The following MACF1 variants were observed in gnomAD, a reference collection of about 807,000 sequenced individuals.
MACF1 encodes microtubule actin crosslinking factor 1.
A neutral mutation model predicts 854.8 loss-of-function variants in MACF1; 193 were observed. The observed-to-expected ratio is 0.23, with a 90% CI of 0.20 to 0.25. MACF1 has a LOEUF of 0.25. Among genes scored for constraint, MACF1 ranks in the 10% least tolerant of loss-of-function variants. The pLI is 1.00. For missense variants in MACF1, 7,722 were observed against 8,929.1 expected, an observed-to-expected ratio of 0.86 and a Z score of 5.45; for synonymous variants, 3,185 against 3,226.7, an observed-to-expected ratio of 0.99 and a Z score of 0.44.
At chr1:39,095,770 G>T (rs893086520) in intron 2 of MACF1, among the ~76,000 whole-genome samples, 1 of 151,500 alleles carries the variant, frequency 6.6e-6, no homozygotes, top group Admixed American at 6.6e-5. Context: ...AGCTACTTGG[G>T]GGCTGAGAAA....
chr1:39,300,063 T>G, intron 21 of MACF1, 147 bp from the exon 22 acceptor site: 4 of 766,668 alleles, frequency 5.2e-6, no homozygotes, highest in Non-Finnish European at 8.1e-6. Context: ...TATCATTGTC[T>G]AAGTCTTTAA....
rs542032745 is a variant in MACF1, at chr1:39,311,842, A to G, written c.3270+842A>G. ...GGTATGAGAGAGCTCTATGAAGGCT[A>G]TTAAATTTGATCTGGGAGCTTAAAG... On this transcript the variant is annotated intron_variant, in intron 26 of 100. Coordinates refer to ENST00000564288, the MANE Select transcript of MACF1 (RefSeq NM_001394062.1). Among the ~76,000 whole-genome samples, 3 of 152,300 alleles carry G rather than the reference A, an allele frequency of 2.0e-5. No individual in the cohort carries two copies. The East Asian group carries it at 5.8e-4, about 29-fold the overall frequency.
In MACF1 at chr1:39,411,655, G is replaced by T. The variant is rs1331799808; in HGVS notation, c.15817-10719G>T. On this transcript the variant is annotated intron_variant, in intron 58 of 100. Transcript: ENST00000564288. ...AGAACAGCTCTCTGACACAGACTCAGTGCAGATGTTTCTTGAACTTGAAAA... is the reference window on the plus strand; with the variant it reads ...AGAACAGCTCTCTGACACAGACTCATTGCAGATGTTTCTTGAACTTGAAAA... 4.3e-6 allele frequency: 7 copies of T among 1,613,838 alleles called. No homozygotes were observed. The Admixed American group carries it at 8.3e-5, about 19-fold the overall frequency.
intron 2 of MACF1, among the ~76,000 whole-genome samples, chr1:39,163,340 C>CAA (rs11371076): frequency 0.044 from 3,546 of 79,712 alleles, 233 homozygotes; most frequent in Middle Eastern, 0.077. Flanking sequence ...AAGACTGTCT[C>CAA]AAAAAAAAAA....
chr1:39,167,074 G>A (rs1456611988), intron 2 of MACF1, among the ~76,000 whole-genome samples: 1 of 151,986 alleles, frequency 6.6e-6, no homozygotes, highest in African/African-American at 2.4e-5. Context: ...TGATTCTCCT[G>A]CCTCAGCCTC....
chr1:39,415,009 G>A (rs118058542), intron 58 of MACF1, among the ~76,000 whole-genome samples: 199 of 152,302 alleles, frequency 1.3e-3, no homozygotes, highest in East Asian at 8.1e-3. Flanking sequence ...GGTACCAAGC[G>A]TATAAGATTA....
intron 2 of MACF1, among the ~76,000 whole-genome samples, chr1:39,160,868 A>G (rs1643784405): frequency 6.6e-6 from 1 of 152,050 alleles, no homozygotes; most frequent in African/African-American, 2.4e-5. Flanking sequence ...CTTTTCACTT[A>G]ATATCTTTGT....
At chr1:39,202,076 C>T (rs1644397347), upstream of MACF1, among the ~76,000 whole-genome samples, 1 of 142,748 alleles carries the variant, frequency 7.0e-6, no homozygotes, top group Non-Finnish European at 1.5e-5. Context: ...AAACCATTCT[C>T]CTGCCTCAGC....
At chr1:39,165,890 C>G (rs910724488) in intron 2 of MACF1, among the ~76,000 whole-genome samples, 2 of 152,172 alleles carry the variant, frequency 1.3e-5, no homozygotes, top group African/African-American at 4.8e-5. Flanking sequence ...CTGTTATCAA[C>G]TTAATTGCCT....
rs368303728 is a variant in MACF1 at position 39,484,640 on chromosome 1, C to G, written c.22321C>G (p.Pro7441Ala). 6.2e-7 allele frequency: 1 copy of G among 1,613,952 alleles called. No homozygotes were observed. Among genetic ancestry groups the G allele is most frequent in the Non-Finnish European group, 8.5e-7 (1 of 1,179,896 alleles). Residue 7441 changes from proline (P) to alanine (A), a missense_variant, in exon 100 of 101, where the codon CCA (proline) becomes GCA (alanine). Physicochemically the swap from Pro to Ala is conservative, Grantham distance 27. This residue lies in a region of MACF1 where 185 missense variants were observed against 225.7 expected (regional missense o/e 0.82). Transcript: ENST00000564288. ...AGGTAGCAAGTTGAAACGACCAACA[C>G]CAACTTTTCATTCTAGTCGGACATC... ...SSGSKLKRPT[P>A]TFHSSRTSLA...
In MACF1 at chr1:39,430,762, C is replaced by T. The variant is rs1041466529; in HGVS notation, c.17191C>T (p.Arg5731Cys). 5.6e-6 allele frequency: 9 copies of T among 1,612,158 alleles called. No individual in the cohort carries two copies. Among genetic ancestry groups the T allele is most frequent in the South Asian group, 2.2e-5 (2 of 91,004 alleles). The change falls in exon 66 of 101, where the codon CGT (arginine) becomes TGT (cysteine). Residue 5731 changes from arginine (R) to cysteine (C), a missense_variant. Around this residue, in one of 15 missense-constraint regions of MACF1, gnomAD observed 2,807 missense variants for 3,235.8 expected, o/e 0.87. Coordinates refer to ENST00000564288, the MANE Select transcript of MACF1 (RefSeq NM_001394062.1). ...GTTGGACACAGTGAATGAGGTGAGC[C>T]GTGCTCTCTTAGAGCTGGTGCCCTG... ...LVLDTVNEVS[R>C]ALLELVPWRA... is the part of the protein sequence containing the mutation.
In MACF1 at chr1:39,331,721, G is replaced by A; in HGVS notation, c.5133G>A (p.Leu1711=). The change falls in exon 37 of 101, where the codon CTG becomes CTA. Residue 1711 remains leucine, a synonymous_variant. Transcript: ENST00000564288. ...ACACAGCTGAGAAAATTGGTTTGCTGGATCTGATGCAGCGATGTATTGTCC... is the reference window on the plus strand; with the variant it reads ...ACACAGCTGAGAAAATTGGTTTGCTAGATCTGATGCAGCGATGTATTGTCC... ...DPNTAEKIGL[L]DLMQRCIVHQ... 6.2e-7 allele frequency: 1 copy of A among 1,614,168 alleles called. No individual in the cohort carries two copies. Among genetic ancestry groups the A allele is most frequent in the Non-Finnish European group, 8.5e-7 (1 of 1,180,014 alleles).
intron 51 of MACF1, among the ~76,000 whole-genome samples, chr1:39,371,343 G>A (rs774565690): frequency 3.4e-5 from 5 of 149,126 alleles, no homozygotes; most frequent in Non-Finnish European, 7.4e-5. Flanking sequence ...AAAAAAAAGA[G>A]TGATTAATTA....
At chr1:39,284,476 C>T in intron 11 of MACF1, 48 bp downstream of exon 11, 1 of 1,235,904 alleles carries the variant, frequency 8.1e-7, no homozygotes, top group Non-Finnish European at 1.1e-6. Flanking sequence ...CTGGTCTGTA[C>T]TGTTGTTGCT....
In MACF1 at chr1:39,299,339, A is replaced by G. The variant is rs547868096; in HGVS notation, c.2482-871A>G. ...CATTTCCTAACATTATTAACTCTTT[A>G]CTCTCATCGCATCTACATCCATCCT... On this transcript the variant is annotated intron_variant, in intron 21 of 100. Coordinates refer to ENST00000564288, the MANE Select transcript of MACF1 (RefSeq NM_001394062.1). The G allele has an allele frequency of 4.2e-5, 19 of 454,064 alleles. No homozygotes were observed. The East Asian group carries it at 9.8e-4, about 23-fold the overall frequency. 28.1% of individuals were successfully genotyped at this position (454,064 alleles called of 1,614,324 possible).
rs930176118 is a variant in MACF1, at chr1:39,430,038, A to G, written c.17100A>G (p.Glu5700=). The part of the protein sequence containing the change: ...ATSGGQSPTG[E]QIPQFQQRQK... ...GTGGAGGACAGTCTCCCACAGGGGA[A>G]CAGATACCCCAGTTTCAGCAGAGAC... is the stretch of plus-strand genomic sequence containing the variant. The change falls in exon 65 of 101, where the codon GAA becomes GAG. Residue 5700 remains glutamate (E), a synonymous_variant. Coordinates refer to ENST00000564288, the MANE Select transcript of MACF1 (RefSeq NM_001394062.1). 1 of 1,613,800 alleles carries G rather than the reference A, an allele frequency of 6.2e-7. No individual in the cohort carries two copies. Among genetic ancestry groups the G allele is most frequent in the Non-Finnish European group, 8.5e-7 (1 of 1,179,890 alleles).
chr1:39,250,278 T>A lies in MACF1; in HGVS notation c.261+175T>A, dbSNP rs1020901925. On this transcript the variant is annotated intron_variant, in intron 3 of 100. Coordinates refer to ENST00000564288, the MANE Select transcript of MACF1 (RefSeq NM_001394062.1). ...TAACTCAGACTTAGAATTTACAAATTATATAATTTAAATTGATGTATTATA... is the reference window on the plus strand; with the variant it reads ...TAACTCAGACTTAGAATTTACAAATAATATAATTTAAATTGATGTATTATA... The A allele has an allele frequency of 2.6e-5, 11 of 422,340 alleles. No individual in the cohort carries two copies. In the Admixed American group the frequency reaches 4.6e-4, roughly 17 times the overall value. The allele number at this position is 422,340 out of a possible 1,614,324, so 26.2% of individuals were successfully genotyped here. A position where few individuals can be genotyped will look rare whatever the true frequency, so the allele number is the denominator to read the frequency against.
chr1:39,164,642 A>G (rs532248943), intron 2 of MACF1, among the ~76,000 whole-genome samples: 1 of 152,302 alleles, frequency 6.6e-6, no homozygotes, highest in African/African-American at 2.4e-5. Flanking sequence ...GGACCCATTA[A>G]TGTTGATTGG....
Position 39,385,947 on chromosome 1 carries a change from A to G in MACF1, c.14344+18A>G. Reference sequence around the variant, plus strand: ...CCTTGCAGGTAAGTTGGGGTGAAGAACATACTTCTGCCATTATTAGAGGCA... The same window carrying G: ...CCTTGCAGGTAAGTTGGGGTGAAGAGCATACTTCTGCCATTATTAGAGGCA... On this transcript the variant is annotated intron_variant, in intron 57 of 100. Transcript: ENST00000564288. 1 of 1,587,186 alleles carries G rather than the reference A, an allele frequency of 6.3e-7. No individual in the cohort carries two copies. The highest frequency in any genetic ancestry group is 8.6e-7 in the Non-Finnish European group (1 of 1,165,056).
Sources: gnomAD v4.1 joint callset for allele counts (sites outside exome capture counted in the v4.1 genomes callset) on GRCh38, gnomAD v4.1.1 for gene constraint, gnomAD v4.1.1 regional missense constraint, MANE v1.5 for transcripts, NCBI Gene and HGNC (gene_info 2026-07-23, HGNC 2026-07-21) for gene names.